BRF1: variants seen among roughly 807,000 people sequenced by gnomAD.
BRF1 encodes transcription factor IIIB 90 kDa subunit.
BRF1 carries 59 observed loss-of-function variants against 81.7 expected under a neutral mutation model. That is an observed-to-expected ratio of 0.72 (90% CI 0.59 to 0.90). The LOEUF (loss-of-function observed/expected upper bound fraction) is 0.90, where lower values mean the gene tolerates loss of function less well. Among genes scored for constraint, BRF1 ranks in the 40% least tolerant of loss-of-function variants. The pLI, the probability that BRF1 is intolerant of heterozygous loss-of-function variation, is 0.00. For missense variants in BRF1, 1,050 were observed against 936.3 expected (o/e 1.12, Z -1.58); for synonymous variants, 491 against 395.6 (o/e 1.24, Z -2.86).
intron 1 of BRF1, among the ~76,000 whole-genome samples, chr14:105,306,439 G>A (rs1453377599): frequency 6.6e-6 from 1 of 152,122 alleles, no homozygotes; most frequent in Non-Finnish European, 1.5e-5. Flanking sequence ...GATTAGCTGG[G>A]ATTACAGGTG....
Position 105,222,056 on chromosome 14 carries a change from C to T in BRF1, c.1049-142G>A, listed in dbSNP as rs79105458. On this transcript the variant is annotated intron_variant, in intron 10 of 17. Transcript: ENST00000547530. ...TGCCTGGCGGTCAGGTGCCAAAGAACGAGCCTCAGCCCACACCTCGCACTG... is the reference window on the plus strand; with the variant it reads ...TGCCTGGCGGTCAGGTGCCAAAGAATGAGCCTCAGCCCACACCTCGCACTG... 1.8e-4 allele frequency: 196 copies of T among 1,081,824 alleles called. 1 individual carries two copies. In the African/African-American group the frequency reaches 2.4e-3, roughly 13 times the overall value. The allele number at this position is 1,081,824 out of a possible 1,614,324, so 67.0% of individuals were successfully genotyped here.
chr14:105,215,456 G>A (rs1890973874), intron 15 of BRF1, among the ~76,000 whole-genome samples: 1 of 151,566 alleles, frequency 6.6e-6, no homozygotes, highest in Non-Finnish European at 1.5e-5. Flanking sequence ...CACACTGTGT[G>A]CAGACACCAG....
In BRF1 at chr14:105,272,833, G is replaced by C. The variant is rs985720580; in HGVS notation, c.327C>G (p.Thr109=). 1 of 1,614,054 alleles carries C rather than the reference G, an allele frequency of 6.2e-7. No homozygotes were observed. The highest frequency in any genetic ancestry group is 1.1e-5 in the South Asian group (1 of 91,080). The change falls in exon 3 of 18, where the codon ACC becomes ACG. Residue 109 remains threonine, a synonymous_variant. Transcript: ENST00000547530. ...CGGCCATCTTGAAGAAGTTGAAGGCGGTGTCCAGGCAGTGCTGGTTCAGCT... is the reference window on the plus strand; with the variant it reads ...CGGCCATCTTGAAGAAGTTGAAGGCCGTGTCCAGGCAGTGCTGGTTCAGCT... The part of the protein sequence containing the change: ...QLQLNQHCLD[T]AFNFFKMAVS...
rs886904625 is a variant in BRF1, at chr14:105,212,125, C to T, written c.1812G>A (p.Val604=). 6 of 1,612,728 alleles carry T rather than the reference C, an allele frequency of 3.7e-6. No individual in the cohort carries two copies. The African/African-American group carries it at 8.0e-5, about 22-fold the overall frequency. The part of the protein sequence containing the change: ...PLVSTQPAKK[V]ATGEALLPSS... ...TGGGACAACACACCTCTCCCGTGGC[C>T]ACCTTCTTTGCTGGCTGCGTAGACA... is the stretch of plus-strand genomic sequence containing the variant. The change falls in exon 16 of 18, where the codon GTG becomes GTA. Residue 604 remains valine (V), a synonymous_variant. Transcript: ENST00000547530.
At chr14:105,252,127 A>C (rs1158191669) in intron 5 of BRF1, among the ~76,000 whole-genome samples, 7 of 152,134 alleles carry the variant, frequency 4.6e-5, no homozygotes, top group African/African-American at 1.7e-4. Context: ...TTCCCTGTCT[A>C]CACCTTCCTG....
rs2057254442 is a variant in BRF1, at chr14:105,284,798, A to C, written c.265+1498T>G. On this transcript the variant is annotated intron_variant, in intron 2 of 17. Coordinates refer to ENST00000547530, the MANE Select transcript of BRF1 (RefSeq NM_001519.4). This position sits in a 1 kb window ranked among gnomAD's most constrained non-coding sequence, Gnocchi z 4.0. ...CTATTCAATGTGGTAAACAAAAAAA[A>C]CAAAAACAAAAAACAGGCACTAGAC... Among the ~76,000 whole-genome samples the C allele has an allele frequency of 6.6e-6, 1 of 152,242 alleles. No homozygotes were observed. The highest frequency in any genetic ancestry group is 2.1e-4 in the South Asian group (1 of 4,836).
At chr14:105,229,604 G>A (rs113096936) in intron 6 of BRF1, among the ~76,000 whole-genome samples, 16 of 152,354 alleles carry the variant, frequency 1.1e-4, no homozygotes, top group African/African-American at 3.8e-4. Flanking sequence ...GACCTGGGGG[G>A]TCACAGAGGT....
chr14:105,264,197 G>C (rs898184062), intron 3 of BRF1, among the ~76,000 whole-genome samples: 2 of 152,176 alleles, frequency 1.3e-5, no homozygotes, highest in African/African-American at 2.4e-5. Context: ...AGGAGTCTTA[G>C]TGATGGCTCA....
At position 105,271,007 on chromosome 14, in the gene BRF1, G is replaced by A. The variant is rs1012530519; in HGVS notation, c.439+1714C>T. Among the ~76,000 whole-genome samples the A allele has an allele frequency of 6.6e-6, 1 of 152,022 alleles. No individual in the cohort carries two copies. The highest frequency in any genetic ancestry group is 2.4e-5 in the African/African-American group (1 of 41,374). ...AGACCAAGACAGAAAAGAGCTCAAG[G>A]TGAGAAGATGCCACACTCAGGAAGA... On this transcript the variant is annotated intron_variant, in intron 3 of 17. Coordinates refer to ENST00000547530, the MANE Select transcript of BRF1 (RefSeq NM_001519.4). This position sits in a 1 kb window ranked among gnomAD's most constrained non-coding sequence, Gnocchi z 5.5.
In BRF1 at chr14:105,210,298, G is replaced by C; in HGVS notation, c.*253C>G. The C allele has an allele frequency of 1.9e-6, 1 of 522,572 alleles. No homozygotes were observed. The highest frequency in any genetic ancestry group is 3.5e-6 in the Non-Finnish European group (1 of 288,724). 32.4% of individuals were successfully genotyped at this position (522,572 alleles called of 1,614,324 possible). ...CTTGGATGAGTCGACGGCAGGCAGC[G>C]GGACCCAGCCCTGCACACACCCGGC... On this transcript the variant is annotated 3_prime_UTR_variant, in exon 18 of 18. Transcript: ENST00000547530. The surrounding 1 kb of genome is among the most constrained non-coding windows in gnomAD (Gnocchi z 4.7).
chr14:105,265,080 T>TTTA lies in BRF1; in HGVS notation c.439+7640_439+7641insTAA, dbSNP rs1566849059. On this transcript the variant is annotated intron_variant, in intron 3 of 17. Coordinates refer to ENST00000547530, the MANE Select transcript of BRF1 (RefSeq NM_001519.4). ...TTTTTTTTTTGTTTGTTTGTTTTTT[T>TTTA]AGAGACAGGGTCTCACTCTGTCGCC... Among the ~76,000 whole-genome samples the TTTA allele has an allele frequency of 2.0e-5, 3 of 150,050 alleles. No homozygotes were observed. In the South Asian group the frequency reaches 6.3e-4, roughly 32 times the overall value.
At chr14:105,258,182 C>G (rs587752106) in intron 3 of BRF1, among the ~76,000 whole-genome samples, 3 of 152,342 alleles carry the variant, frequency 2.0e-5, no homozygotes, top group Admixed American at 2.0e-4. Context: ...TAAACTAAGA[C>G]TGCTCTAAGA....
chr14:105,242,246 C>T (rs1233359870), intron 5 of BRF1: 1 of 152,146 alleles, frequency 6.6e-6, no homozygotes, highest in East Asian at 1.9e-4. Flanking sequence ...CATCAAGACA[C>T]CTCACATGCC....
chr14:105,241,192 G>C, intron 6 of BRF1, 73 bp downstream of exon 6: 5 of 1,578,216 alleles, frequency 3.2e-6, no homozygotes, highest in Non-Finnish European at 4.3e-6. Flanking sequence ...CAGCCCACCA[G>C]CACTCAGGAG....
In BRF1 at chr14:105,300,591, G is replaced by A. The variant is rs1011334389; in HGVS notation, c.39C>T (p.Asp13=). ...GRVCRGCGGT[D]IELDAARGDA... ...CCCCGCGCGCCGCGTCCAGCTCGAT[G>A]TCCGTGCCGCCGCAACCGCGGCACA... Residue 13 remains aspartate (D), a synonymous_variant, in exon 1 of 18, where the codon GAC becomes GAT. Transcript: ENST00000547530. The A allele has an allele frequency of 2.6e-5, 38 of 1,463,542 alleles. No homozygotes were observed. Among genetic ancestry groups the A allele is most frequent in the Middle Eastern group, 2.4e-4 (1 of 4,224 alleles). The allele number at this position is 1,463,542 out of a possible 1,614,324, so 90.7% of individuals were successfully genotyped here. A position where few individuals can be genotyped will look rare whatever the true frequency, so the allele number is the denominator to read the frequency against.
chr14:105,245,108 T>C (rs1023624829), intron 5 of BRF1, among the ~76,000 whole-genome samples: 2 of 152,088 alleles, frequency 1.3e-5, no homozygotes, highest in Non-Finnish European at 2.9e-5. Context: ...CCTGTAATCC[T>C]AGCACTTTGG....
rs587645005 is a variant in BRF1, at chr14:105,229,167, T to G, written c.695-254A>C. 2.6e-5 allele frequency among the ~76,000 whole-genome samples: 4 copies of G among 152,332 alleles called. No homozygotes were observed. The South Asian group carries it at 8.3e-4, about 32-fold the overall frequency. Reference sequence around the variant, plus strand: ...AATTAAAATGAAGGCTTCCGAGAGCTTCACGTAATCCCTCAAAGCAAACAA... The same window carrying G: ...AATTAAAATGAAGGCTTCCGAGAGCGTCACGTAATCCCTCAAAGCAAACAA... On this transcript the variant is annotated intron_variant, in intron 6 of 17. Coordinates refer to ENST00000547530, the MANE Select transcript of BRF1 (RefSeq NM_001519.4).
At position 105,209,993 on chromosome 14, in the gene BRF1, G is replaced by A. The variant is rs903627846; in HGVS notation, c.*558C>T. On this transcript the variant is annotated 3_prime_UTR_variant, in exon 18 of 18. Coordinates refer to ENST00000547530, the MANE Select transcript of BRF1 (RefSeq NM_001519.4). ...GGATGCAGGGCCACAGCTGGAGGCAGAGGACCTTCAAGGAGCTGCTGCCTC... is the reference window on the plus strand; with the variant it reads ...GGATGCAGGGCCACAGCTGGAGGCAAAGGACCTTCAAGGAGCTGCTGCCTC... 7.3e-6 allele frequency: 2 copies of A among 273,600 alleles called. No homozygotes were observed. Among genetic ancestry groups the A allele is most frequent in the Admixed American group, 4.9e-5 (1 of 20,594 alleles). 16.9% of individuals were successfully genotyped at this position (273,600 alleles called of 1,614,324 possible).
At chr14:105,286,794 T>C (rs940515599) in intron 1 of BRF1, among the ~76,000 whole-genome samples, 3 of 152,136 alleles carry the variant, frequency 2.0e-5, no homozygotes, top group African/African-American at 7.2e-5. Flanking sequence ...CTTTCTGCAT[T>C]TTCTAACCAT....
Sources: gnomAD v4.1 joint callset for allele counts (sites outside exome capture counted in the v4.1 genomes callset) on GRCh38, gnomAD v4.1.1 for gene constraint, Gnocchi (gnomAD v3.1) non-coding constraint, MANE v1.5 for transcripts, NCBI Gene and HGNC (gene_info 2026-07-23, HGNC 2026-07-21) for gene names.